Variants in DIAPH3 observed in about 807,000 individuals in gnomAD.
DIAPH3 encodes diaphanous related formin 3.
In DIAPH3, 117 loss-of-function variants were observed where a neutral mutation model predicts 144.3. The observed-to-expected ratio is 0.81, with a 90% confidence interval of 0.70 to 0.95. DIAPH3 has a LOEUF of 0.95. DIAPH3 is among the 40% of genes least tolerant of loss of function. The pLI is 0.00. For synonymous variants in DIAPH3, 519 were observed against 488.9 expected (o/e 1.06, Z -0.81); for missense variants, 1,421 against 1,412.7 (o/e 1.01, Z -0.09).
At chr13:60,109,945 G>T (rs2058521146) in intron 3 of DIAPH3, among the ~76,000 whole-genome samples, 1 of 152,122 alleles carries the variant, frequency 6.6e-6, no homozygotes, top group Admixed American at 6.6e-5. Flanking sequence ...AAGACAAACG[G>T]GGGGAAAAGT....
At chr13:60,131,435 C>CAAAAAAAA (rs777909368) in intron 2 of DIAPH3, among the ~76,000 whole-genome samples, 15 of 29,288 alleles carry the variant, frequency 5.1e-4, no homozygotes, top group East Asian at 1.1e-3. Flanking sequence ...GACCCTGTCT[C>CAAAAAAAA]AAAAAAAAAA....
At chr13:59,898,352 T>C (rs963912205) in intron 20 of DIAPH3, among the ~76,000 whole-genome samples, 6 of 152,046 alleles carry the variant, frequency 3.9e-5, no homozygotes, top group African/African-American at 1.4e-4. Flanking sequence ...ATACAACGTT[T>C]CATAACTAGA....
At chr13:59,695,358 G>T (rs545395065) in intron 27 of DIAPH3, 1 of 152,314 alleles carries the variant, frequency 6.6e-6, no homozygotes, top group African/African-American at 2.4e-5. Context: ...AGGAATGCCA[G>T]GAGGAATAAT....
chr13:60,057,542 C>T (rs1221170298), intron 4 of DIAPH3, among the ~76,000 whole-genome samples: 2 of 151,828 alleles, frequency 1.3e-5, no homozygotes, highest in Non-Finnish European at 2.9e-5. Flanking sequence ...TTAGAAAAAG[C>T]ATTCCTAAAA....
chr13:59,974,534 C>A, intron 14 of DIAPH3, 78 bp from the exon 15 acceptor site: 1 of 1,188,480 alleles, frequency 8.4e-7, no homozygotes, highest in Non-Finnish European at 1.2e-6. Flanking sequence ...AAATGTGACT[C>A]GAATGATCTG....
intron 3 of DIAPH3, among the ~76,000 whole-genome samples, chr13:60,104,122 T>C (rs2058345542): frequency 6.6e-6 from 1 of 152,164 alleles, no homozygotes; most frequent in African/African-American, 2.4e-5. Flanking sequence ...ACCAAGAACC[T>C]GGAACTTAGA....
At chr13:60,031,690 G>A (rs1057117293) in intron 5 of DIAPH3, among the ~76,000 whole-genome samples, 3 of 145,208 alleles carry the variant, frequency 2.1e-5, no homozygotes, top group African/African-American at 7.6e-5. Flanking sequence ...AGGGGCTACA[G>A]GCCCTAAGCA....
chr13:59,724,292 G>A (rs765027194), intron 27 of DIAPH3, among the ~76,000 whole-genome samples: 8 of 152,062 alleles, frequency 5.3e-5, no homozygotes, highest in Non-Finnish European at 1.2e-4. Flanking sequence ...GAAAAAACTC[G>A]TGTGTGAACT....
chr13:59,941,492 G>C (rs2140384378), intron 17 of DIAPH3, among the ~76,000 whole-genome samples: 1 of 152,230 alleles, frequency 6.6e-6, no homozygotes, highest in South Asian at 2.1e-4. Flanking sequence ...GAGACCCCCA[G>C]AGCAGAGGGT....
rs556551303 is a variant in DIAPH3 at position 60,149,420 on chromosome 13, A to G, written c.180+14167T>C. On this transcript the variant is annotated intron_variant, in intron 1 of 27. Coordinates refer to ENST00000400324, the MANE Select transcript of DIAPH3 (RefSeq NM_001042517.2). ...TGTGGTATGTTCCCATGTGGGAAAA[A>G]AGTGGGTGCTTGACATACACACAGA... is the stretch of plus-strand genomic sequence containing the variant. Among the ~76,000 whole-genome samples the G allele has an allele frequency of 3.9e-5, 6 of 152,272 alleles. No homozygotes were observed. The South Asian group carries it at 1.2e-3, about 32-fold the overall frequency.
chr13:60,011,436 G>A (rs1023683067), intron 7 of DIAPH3, among the ~76,000 whole-genome samples: 3 of 152,136 alleles, frequency 2.0e-5, no homozygotes, highest in Non-Finnish European at 4.4e-5. Flanking sequence ...TAAACCACAT[G>A]AGTAATTTAA....
intron 14 of DIAPH3, among the ~76,000 whole-genome samples, chr13:59,977,155 T>A (rs1409234794): frequency 6.6e-6 from 1 of 151,682 alleles, no homozygotes; most frequent in Non-Finnish European, 1.5e-5. Flanking sequence ...GTACTTTTAG[T>A]CAGCACAGTG....
intron 17 of DIAPH3, among the ~76,000 whole-genome samples, chr13:59,944,802 G>GA (rs1566553120): frequency 2.0e-5 from 3 of 149,428 alleles, no homozygotes; most frequent in Admixed American, 6.7e-5. Context: ...AAAGGGGGGG[G>GA]GCTATTATCC....
At chr13:59,943,304 G>GCA (rs1344442674) in intron 17 of DIAPH3, among the ~76,000 whole-genome samples, 5 of 152,104 alleles carry the variant, frequency 3.3e-5, no homozygotes, top group Non-Finnish European at 7.4e-5. Flanking sequence ...TTTCTCCAAG[G>GCA]CACACAGCTA....
chr13:60,090,870 T>A (rs1454079455), intron 4 of DIAPH3, among the ~76,000 whole-genome samples: 1 of 152,228 alleles, frequency 6.6e-6, no homozygotes, highest in Non-Finnish European at 1.5e-5. Flanking sequence ...AGATAACTAA[T>A]CTATTTCAAT....
intron 27 of DIAPH3, among the ~76,000 whole-genome samples, chr13:59,684,238 T>C (rs2033098837): frequency 6.6e-6 from 1 of 152,198 alleles, no homozygotes; most frequent in Admixed American, 6.5e-5. Flanking sequence ...TTTGGAGCTT[T>C]CTGCCTGAGC....
chr13:59,723,926 C>T (rs1368014779), intron 27 of DIAPH3, among the ~76,000 whole-genome samples: 2 of 142,560 alleles, frequency 1.4e-5, no homozygotes, highest in Non-Finnish European at 3.0e-5. Context: ...AAATGATAGT[C>T]TATCTATCTG....
intron 17 of DIAPH3, among the ~76,000 whole-genome samples, chr13:59,961,060 G>A (rs534104280): frequency 6.6e-6 from 1 of 152,194 alleles, no homozygotes; most frequent in South Asian, 2.1e-4. Context: ...CTCCATAAGT[G>A]GCTATTAACA....
At chr13:59,763,675 C>A (rs115858702) in intron 27 of DIAPH3, among the ~76,000 whole-genome samples, 1 of 152,026 alleles carries the variant, frequency 6.6e-6, no homozygotes, top group Non-Finnish European at 1.5e-5. Context: ...CAGAGAGAAA[C>A]CCTGTCACAA....
Sources: allele counts gnomAD v4.1 joint callset (sites outside exome capture counted in the v4.1 genomes callset), GRCh38; gene constraint gnomAD v4.1.1; transcripts MANE v1.5; gene names NCBI Gene and HGNC (gene_info 2026-07-23, HGNC 2026-07-21).